Variants in HSF2BP observed in about 807,000 individuals in gnomAD.
The protein encoded by HSF2BP is heat shock factor 2-binding protein.
A neutral mutation model predicts 35.0 loss-of-function variants in HSF2BP; 35 were observed. That is an observed-to-expected ratio of 1.00 (90% CI 0.76 to 1.32). HSF2BP has a LOEUF of 1.32. Among genes scored for constraint, HSF2BP ranks in the 40% most tolerant of loss-of-function variants. The pLI is 0.00. For missense variants in HSF2BP, 326 were observed against 321.7 expected, an observed-to-expected ratio of 1.01 and a Z score of -0.10; for synonymous variants, 114 against 117.4, an observed-to-expected ratio of 0.97 and a Z score of 0.18.
chr21:43,592,324 T>C lies in HSF2BP; in HGVS notation c.697A>G (p.Met233Val), dbSNP rs148063865. The change falls in exon 8 of 9, where the codon ATG becomes GTG. Residue 233 changes from methionine to valine, a missense_variant. Transcript: ENST00000291560. Reference protein sequence around the residue: ...PGQCTKLKVLMLMSLYNVSIN... With the variant: ...PGQCTKLKVLVLMSLYNVSIN... ...CTTACATTGTATAGGGACATCAGCA[T>C]TAGCCTGAAATGTAAAAGAAAAAGG... 1 of 1,607,556 alleles carries C rather than the reference T, an allele frequency of 6.2e-7. No individual in the cohort carries two copies. Among genetic ancestry groups the C allele is most frequent in the Non-Finnish European group, 8.5e-7 (1 of 1,174,044 alleles).
chr21:43,650,159 A>G (rs1326375416), intron 3 of HSF2BP, among the ~76,000 whole-genome samples: 4 of 152,230 alleles, frequency 2.6e-5, no homozygotes, highest in Admixed American at 2.0e-4. Context: ...ACAAATACCC[A>G]GAAGATACAG....
chr21:43,653,027 C>A (rs1260552590), intron 3 of HSF2BP, among the ~76,000 whole-genome samples: 1 of 151,898 alleles, frequency 6.6e-6, no homozygotes, highest in Admixed American at 6.6e-5. Flanking sequence ...CCCAGCTACT[C>A]GGGAGACTGA....
chr21:43,647,928 CA>C (rs774339620), intron 3 of HSF2BP, among the ~76,000 whole-genome samples: 62 of 76,772 alleles, frequency 8.1e-4, no homozygotes, highest in African/African-American at 1.7e-3. Flanking sequence ...GACTTCATCT[CA>C]AAAAAAAAAA....
intron 8 of HSF2BP, among the ~76,000 whole-genome samples, chr21:43,576,383 A>T (rs1200367962): frequency 6.6e-6 from 1 of 152,208 alleles, no homozygotes; most frequent in Non-Finnish European, 1.5e-5. Context: ...TACACTACTA[A>T]GCCTCAGTGT....
intron 3 of HSF2BP, among the ~76,000 whole-genome samples, chr21:43,648,816 A>G (rs1241845750): frequency 1.3e-5 from 2 of 152,266 alleles, no homozygotes; most frequent in African/African-American, 4.8e-5. Context: ...TAGAAATCAC[A>G]TAGCGCAGTG....
chr21:43,627,802 A>G (rs2082407562), intron 6 of HSF2BP, among the ~76,000 whole-genome samples: 1 of 152,162 alleles, frequency 6.6e-6, no homozygotes, highest in Non-Finnish European at 1.5e-5. Context: ...CCCTACATTG[A>G]GCAAGTCTGT....
chr21:43,648,090 C>G (rs996267485), intron 3 of HSF2BP, among the ~76,000 whole-genome samples: 1 of 152,134 alleles, frequency 6.6e-6, no homozygotes, highest in Non-Finnish European at 1.5e-5. Flanking sequence ...AAACACCACA[C>G]ACCTCTTCCG....
intron 8 of HSF2BP, among the ~76,000 whole-genome samples, chr21:43,589,624 C>G (rs1398569956): frequency 1.3e-5 from 2 of 152,064 alleles, no homozygotes; most frequent in African/African-American, 4.8e-5. Flanking sequence ...ATAAAGCTAT[C>G]AAGATTTATT....
At chr21:43,621,344 T>C (rs1268145330) in intron 6 of HSF2BP, among the ~76,000 whole-genome samples, 1 of 152,104 alleles carries the variant, frequency 6.6e-6, no homozygotes, top group Non-Finnish European at 1.5e-5. Flanking sequence ...CTGGCCAACA[T>C]GGTGAAACCC....
intron 4 of HSF2BP, among the ~76,000 whole-genome samples, chr21:43,636,894 CAAAAAAAAAAAA>C (rs34578952): frequency 8.9e-6 from 1 of 112,042 alleles, no homozygotes; most frequent in Non-Finnish European, 1.8e-5. Flanking sequence ...CGTCTCAAAA[CAAAAAAAAAAAA>C]AAAAAAAAGA....
At chr21:43,611,569 A>G (rs1291217277) in intron 7 of HSF2BP, among the ~76,000 whole-genome samples, 1 of 152,214 alleles carries the variant, frequency 6.6e-6, no homozygotes, top group Non-Finnish European at 1.5e-5. Flanking sequence ...AGGGAGCTCC[A>G]AAACCCAAAA....
intron 7 of HSF2BP, among the ~76,000 whole-genome samples, chr21:43,598,412 G>T (rs1428872269): frequency 4.0e-5 from 6 of 149,754 alleles, no homozygotes; most frequent in African/African-American, 7.4e-5. Context: ...AGTAGAGACG[G>T]GGTTTCACCA....
At chr21:43,612,724 G>C (rs1289834118) in intron 7 of HSF2BP, among the ~76,000 whole-genome samples, 3 of 151,536 alleles carry the variant, frequency 2.0e-5, no homozygotes, top group Non-Finnish European at 4.4e-5. Context: ...AGCTACTCAG[G>C]AGGCTGAGGT....
At chr21:43,654,881 G>A (rs1352390455) in intron 3 of HSF2BP, among the ~76,000 whole-genome samples, 1 of 152,188 alleles carries the variant, frequency 6.6e-6, no homozygotes, top group Non-Finnish European at 1.5e-5. Flanking sequence ...CCTATTGGAA[G>A]GCTGCAAAGC....
intron 8 of HSF2BP, among the ~76,000 whole-genome samples, chr21:43,588,488 G>A (rs1436624116): frequency 6.6e-6 from 1 of 151,824 alleles, no homozygotes; most frequent in African/African-American, 2.4e-5. Flanking sequence ...AGGGTCTGGA[G>A]CCAGGCGGTC....
At chr21:43,657,821 T>G in intron 2 of HSF2BP, 2 of 985,076 alleles carry the variant, frequency 2.0e-6, no homozygotes, top group Non-Finnish European at 2.4e-6. Flanking sequence ...CGCCACTGAG[T>G]GCCCCCACCA....
intron 4 of HSF2BP, among the ~76,000 whole-genome samples, 199 bp downstream of exon 4, chr21:43,644,090 G>T (rs1021209920): frequency 1.3e-5 from 2 of 152,154 alleles, no homozygotes; most frequent in Non-Finnish European, 2.9e-5. Context: ...AAGATACCAA[G>T]TGAATGATCT....
chr21:43,603,971 G>A (rs1261468020), intron 7 of HSF2BP, among the ~76,000 whole-genome samples: 1 of 152,112 alleles, frequency 6.6e-6, no homozygotes, highest in Non-Finnish European at 1.5e-5. Context: ...AGGGATTTCT[G>A]GGGGAGGCAA....
chr21:43,496,114 G>T, the HSF2BP span, among the ~76,000 whole-genome samples: 4 of 135,126 alleles, frequency 3.0e-5, 1 homozygote, highest in African/African-American at 1.1e-4. Context: ...AATTGGAAAA[G>T]AAGTAAAATC....
Sources: gnomAD v4.1 joint callset for allele counts (sites outside exome capture counted in the v4.1 genomes callset) on GRCh38, gnomAD v4.1.1 for gene constraint, MANE v1.5 for transcripts, NCBI Gene and HGNC (gene_info 2026-07-23, HGNC 2026-07-21) for gene names.